Variants in GALNTL6 observed in about 807,000 individuals in gnomAD.
GALNTL6 encodes polypeptide N-acetylgalactosaminyltransferase like 6.
Under a neutral mutation model 73.7 loss-of-function variants are expected in GALNTL6, and 46 were observed. The ratio of observed to expected loss-of-function variants is 0.62; its 90% confidence interval spans 0.49 to 0.80. The LOEUF (loss-of-function observed/expected upper bound fraction) is 0.80, where lower values mean the gene tolerates loss of function less well. GALNTL6 is among the 30% of genes least tolerant of loss of function. The pLI is 0.00. For missense variants in GALNTL6, 604 were observed against 755.0 expected (o/e 0.80, Z 2.34); for synonymous variants, 259 against 263.7 (o/e 0.98, Z 0.17).
intron 5 of GALNTL6, among the ~76,000 whole-genome samples, chr4:172,495,431 A>G (rs1462594064): frequency 6.6e-6 from 1 of 152,166 alleles, no homozygotes; most frequent in Admixed American, 6.5e-5. Flanking sequence ...AACACTTTCT[A>G]GGCCAGTAAA....
chr4:172,444,736 A>G (rs1217212584), intron 5 of GALNTL6, among the ~76,000 whole-genome samples: 1 of 152,180 alleles, frequency 6.6e-6, no homozygotes, highest in Non-Finnish European at 1.5e-5. Flanking sequence ...CCAGTGAGCT[A>G]GAGAAATTAG....
chr4:172,613,042 T>C (rs538958596), intron 5 of GALNTL6, among the ~76,000 whole-genome samples: 1 of 152,204 alleles, frequency 6.6e-6, no homozygotes, highest in African/African-American at 2.4e-5. Flanking sequence ...ACAGTCCTTA[T>C]GATAGTCCAC....
intron 2 of GALNTL6, among the ~76,000 whole-genome samples, chr4:171,959,988 A>G (rs1739174491): frequency 6.6e-6 from 1 of 152,214 alleles, no homozygotes; most frequent in Non-Finnish European, 1.5e-5. Flanking sequence ...CCAATGGAGA[A>G]CATATCTGAA....
intron 9 of GALNTL6, among the ~76,000 whole-genome samples, chr4:172,938,298 G>C (rs1343193234): frequency 6.6e-6 from 1 of 152,140 alleles, no homozygotes; most frequent in Non-Finnish European, 1.5e-5. Context: ...AAGGGAGGAG[G>C]AGGAGGTGGA....
chr4:172,728,819 A>C (rs1735983310), intron 5 of GALNTL6, among the ~76,000 whole-genome samples: 1 of 152,180 alleles, frequency 6.6e-6, no homozygotes. Flanking sequence ...CCAAGTGGCT[A>C]TACTAATTTA....
rs759202791 is a variant in GALNTL6 at position 171,931,379 on chromosome 4, C to G, written c.138+116661C>G. 2.6e-5 allele frequency among the ~76,000 whole-genome samples: 4 copies of G among 152,242 alleles called. No homozygotes were observed. The East Asian group carries it at 7.7e-4, about 29-fold the overall frequency. ...CACTCATAATATGGGTCTAGTCCAG[C>G]AGAATTTTACTGAGCACCCTTGATT... is the stretch of plus-strand genomic sequence containing the variant. On this transcript the variant is annotated intron_variant, in intron 2 of 12. Transcript: ENST00000506823.
At chr4:172,518,046 C>T (rs1389525708) in intron 5 of GALNTL6, among the ~76,000 whole-genome samples, 1 of 151,850 alleles carries the variant, frequency 6.6e-6, no homozygotes, top group Admixed American at 6.6e-5. Flanking sequence ...ACATATTCTG[C>T]CCCAGTATGC....
intron 5 of GALNTL6, among the ~76,000 whole-genome samples, chr4:172,500,481 G>A (rs1734222290): frequency 6.6e-6 from 1 of 152,024 alleles, no homozygotes; most frequent in African/African-American, 2.4e-5. Flanking sequence ...CAGGAAGTGA[G>A]GAATGACACA....
At chr4:172,210,995 A>G (rs1302088303) in intron 2 of GALNTL6, among the ~76,000 whole-genome samples, 2 of 152,154 alleles carry the variant, frequency 1.3e-5, no homozygotes, top group Non-Finnish European at 2.9e-5. Context: ...GTTGTTCCAT[A>G]TTTAGCCATT....
At chr4:171,865,826 C>T (rs920296375) in intron 2 of GALNTL6, among the ~76,000 whole-genome samples, 16 of 152,142 alleles carry the variant, frequency 1.1e-4, no homozygotes, top group African/African-American at 3.1e-4. Flanking sequence ...CAGACATTTT[C>T]GTGATTGTTT....
chr4:173,003,858 A>G (rs1015729162), intron 10 of GALNTL6, among the ~76,000 whole-genome samples: 1 of 152,170 alleles, frequency 6.6e-6, no homozygotes, highest in Non-Finnish European at 1.5e-5. Context: ...CTCACCCAGA[A>G]CGGTCATTTC....
chr4:172,138,515 T>TATA (rs1560938392), intron 2 of GALNTL6, among the ~76,000 whole-genome samples: 7 of 6,238 alleles, frequency 1.1e-3, no homozygotes, highest in Admixed American at 3.0e-3. Context: ...ATATATATAT[T>TATA]TTTTTTTTTT....
intron 2 of GALNTL6, among the ~76,000 whole-genome samples, chr4:172,093,824 G>GT (rs1294040197): frequency 5.3e-5 from 8 of 152,278 alleles, no homozygotes; most frequent in East Asian, 1.9e-4. Flanking sequence ...GCCTGATGAC[G>GT]TATCACTGTC....
intron 2 of GALNTL6, among the ~76,000 whole-genome samples, chr4:172,151,371 C>T (rs545837507): frequency 1.3e-5 from 2 of 152,206 alleles, no homozygotes; most frequent in South Asian, 2.1e-4. Context: ...GAGGAATACT[C>T]GTATCCTGAT....
At chr4:171,824,077 TTATATATA>T (rs3080307) in intron 2 of GALNTL6, among the ~76,000 whole-genome samples, 54,088 of 129,056 alleles carry the variant, frequency 0.42, 12,664 homozygotes, top group Admixed American at 0.55. Flanking sequence ...CAAATCCATT[TTATATATA>T]TATATATATA....
chr4:172,762,783 CAAAA>C (rs140987178), intron 5 of GALNTL6, among the ~76,000 whole-genome samples: 37,380 of 139,776 alleles, frequency 0.27, 5,807 homozygotes, highest in African/African-American at 0.44. Context: ...CAGATTCACT[CAAAA>C]AAAAAAAAAA....
intron 10 of GALNTL6, among the ~76,000 whole-genome samples, chr4:173,002,160 G>A (rs1278459465): frequency 2.0e-5 from 3 of 152,180 alleles, no homozygotes; most frequent in African/African-American, 4.8e-5. Context: ...GGGAGGCAGA[G>A]GTGGGCAGAT....
chr4:172,687,135 A>G (rs1236598450), intron 5 of GALNTL6, among the ~76,000 whole-genome samples: 1 of 152,120 alleles, frequency 6.6e-6, no homozygotes, highest in Non-Finnish European at 1.5e-5. Context: ...TTTTCCTACC[A>G]AGTCAGATAG....
intron 5 of GALNTL6, among the ~76,000 whole-genome samples, chr4:172,706,876 CCA>C (rs1734389412): frequency 6.6e-6 from 1 of 152,140 alleles, no homozygotes; most frequent in Admixed American, 6.5e-5. Flanking sequence ...TGAAAAGCAG[CCA>C]CAGAGTTTTG....
Sources: allele counts gnomAD v4.1 joint callset (sites outside exome capture counted in the v4.1 genomes callset), GRCh38; gene constraint gnomAD v4.1.1; transcripts MANE v1.5; gene names NCBI Gene and HGNC (gene_info 2026-07-23, HGNC 2026-07-21).